Variants in IGF2BP2 observed in about 807,000 individuals in gnomAD.
The protein encoded by IGF2BP2 is insulin like growth factor 2 mRNA binding protein 2.
In IGF2BP2, 17 loss-of-function variants were observed where a neutral mutation model predicts 75.8. That is an observed-to-expected ratio of 0.22 (90% confidence interval 0.15 to 0.34). The LOEUF (loss-of-function observed/expected upper bound fraction) is 0.34, where lower values mean the gene tolerates loss of function less well. Among genes scored for constraint, IGF2BP2 ranks in the 10% least tolerant of loss-of-function variants. IGF2BP2 has a pLI of 1.00. For missense variants in IGF2BP2, 516 were observed against 772.4 expected (o/e 0.67, Z 3.93); for synonymous variants, 288 against 295.6 (o/e 0.97, Z 0.26).
chr3:185,818,008 CT>C lies in IGF2BP2; in HGVS notation c.239+5144del, dbSNP rs1428075164. ...CTAACACTGAAAAGAACACTGAAGACTTTTGTGATGTTTAAATATAATTTTT... is the reference window on the plus strand; with the variant it reads ...CTAACACTGAAAAGAACACTGAAGACTTTGTGATGTTTAAATATAATTTTT... On this transcript the variant is annotated intron_variant, in intron 2 of 15. Transcript: ENST00000382199. 1.3e-5 allele frequency among the ~76,000 whole-genome samples: 2 copies of C among 152,196 alleles called. 1 individual carries two copies. Among genetic ancestry groups the C allele is most frequent in the Admixed American group, 1.3e-4 (2 of 15,282 alleles).
chr3:185,801,481 C>T (rs1171870068), intron 2 of IGF2BP2, among the ~76,000 whole-genome samples: 1 of 139,748 alleles, frequency 7.2e-6, no homozygotes, highest in African/African-American at 2.7e-5. Context: ...AAGAGCAAAA[C>T]TCCATCTCAA....
chr3:185,729,843 C>T (rs943222280), intron 2 of IGF2BP2: 3 of 152,120 alleles, frequency 2.0e-5, no homozygotes, highest in Admixed American at 6.6e-5. Flanking sequence ...TAATGTATTG[C>T]ATCAGATTGA....
chr3:185,683,454 G>A (rs938019509), intron 7 of IGF2BP2, among the ~76,000 whole-genome samples: 2 of 151,908 alleles, frequency 1.3e-5, no homozygotes, highest in Non-Finnish European at 2.9e-5. Flanking sequence ...TGTCACCCAG[G>A]CTGGAGTGCA....
At position 185,716,339 on chromosome 3, in the gene IGF2BP2, G is replaced by A. The variant is rs750654079; in HGVS notation, c.240-17992C>T. The A allele has an allele frequency of 1.7e-5, 7 of 414,894 alleles. 1 individual carries two copies. Among genetic ancestry groups the A allele is most frequent in the South Asian group, 5.7e-5 (3 of 52,934 alleles). 25.7% of individuals were successfully genotyped at this position (414,894 alleles called of 1,614,324 possible). A position where few individuals can be genotyped will look rare whatever the true frequency, so the allele number is the denominator to read the frequency against. On this transcript the variant is annotated intron_variant, in intron 2 of 15. Coordinates refer to ENST00000382199, the MANE Select transcript of IGF2BP2 (RefSeq NM_006548.6). The stretch of plus-strand genomic sequence containing the variant: ...CAGCATTTATCCAATAAACACTGAC[G>A]TAACTGATTTGCCTTTTGGTCTACA...
At chr3:185,778,735 TATAAA>T (rs1225068870) in intron 2 of IGF2BP2, among the ~76,000 whole-genome samples, 1 of 152,212 alleles carries the variant, frequency 6.6e-6, no homozygotes, top group East Asian at 1.9e-4. Context: ...TTTTCTCAAC[TATAAA>T]ATAACTACTT....
intron 2 of IGF2BP2, among the ~76,000 whole-genome samples, chr3:185,783,087 A>G (rs901828587): frequency 6.6e-6 from 1 of 152,184 alleles, no homozygotes; most frequent in Non-Finnish European, 1.5e-5. Flanking sequence ...ACCAATTATG[A>G]AGGTTTATGG....
intron 14 of IGF2BP2, 68 bp downstream of exon 14, chr3:185,649,335 G>C: frequency 6.3e-7 from 1 of 1,586,608 alleles, no homozygotes; most frequent in Non-Finnish European, 8.6e-7. Flanking sequence ...GGGAGACTGA[G>C]GGAACTCAGG....
At chr3:185,713,135 G>A (rs948753408) in intron 2 of IGF2BP2, 2 of 313,146 alleles carry the variant, frequency 6.4e-6, no homozygotes, top group African/African-American at 2.2e-5. Context: ...GTGTGTCTTG[G>A]TGTAATACTG....
chr3:185,648,796 A>G (rs1714054512), intron 14 of IGF2BP2, among the ~76,000 whole-genome samples: 1 of 152,194 alleles, frequency 6.6e-6, no homozygotes, highest in African/African-American at 2.4e-5. Flanking sequence ...ATGATCTTTC[A>G]AAAAACAATC....
At chr3:185,734,256 C>G (rs750070402) in intron 2 of IGF2BP2, among the ~76,000 whole-genome samples, 4 of 152,176 alleles carry the variant, frequency 2.6e-5, no homozygotes, top group Non-Finnish European at 5.9e-5. Flanking sequence ...ATTCCAACAA[C>G]AGCTCTGTGA....
At chr3:185,649,149 G>A (rs1714124287) in intron 14 of IGF2BP2, among the ~76,000 whole-genome samples, 1 of 152,136 alleles carries the variant, frequency 6.6e-6, no homozygotes, top group Non-Finnish European at 1.5e-5. Context: ...GCACAGGACT[G>A]TGGTATTTTT....
chr3:185,679,216 T>C (rs1294236089), intron 7 of IGF2BP2, among the ~76,000 whole-genome samples: 1 of 152,194 alleles, frequency 6.6e-6, no homozygotes, highest in East Asian at 1.9e-4. Flanking sequence ...TTCCTTTATG[T>C]GTTGTTGATT....
intron 2 of IGF2BP2, among the ~76,000 whole-genome samples, chr3:185,758,394 A>G (rs1426262501): frequency 6.6e-6 from 1 of 152,220 alleles, no homozygotes; most frequent in Non-Finnish European, 1.5e-5. Flanking sequence ...TGGATTTAGC[A>G]CTAGTTATGT....
intron 10 of IGF2BP2, among the ~76,000 whole-genome samples, chr3:185,665,287 A>AAGAAGGAGG (rs1717184501): frequency 1.1e-5 from 1 of 92,064 alleles, no homozygotes; most frequent in Non-Finnish European, 2.3e-5. Flanking sequence ...GGAGAAGAAG[A>AAGAAGGAGG]AGAAGGAGGA....
intron 2 of IGF2BP2, among the ~76,000 whole-genome samples, chr3:185,785,174 A>G (rs1735704615): frequency 4.6e-5 from 7 of 151,554 alleles, no homozygotes. Flanking sequence ...GGTGACGCAC[A>G]CCTGTAATCC....
intron 7 of IGF2BP2, among the ~76,000 whole-genome samples, chr3:185,686,296 A>G (rs1176327397): frequency 6.6e-6 from 1 of 152,072 alleles, no homozygotes; most frequent in Admixed American, 6.6e-5. Context: ...AGGCAGGAGA[A>G]TCACTTGAAC....
intron 2 of IGF2BP2, among the ~76,000 whole-genome samples, chr3:185,813,724 G>C (rs1444160890): frequency 6.6e-6 from 1 of 152,196 alleles, no homozygotes; most frequent in African/African-American, 2.4e-5. Context: ...TTCCAAGTAA[G>C]TGTATGCCAC....
At chr3:185,692,580 G>A (rs1722084978) in intron 5 of IGF2BP2, 119 bp downstream of exon 5, 1 of 838,756 alleles carries the variant, frequency 1.2e-6, no homozygotes, top group East Asian at 2.6e-5. Flanking sequence ...GTCAAAGGTG[G>A]CACATATCCA....
At chr3:185,700,675 G>A (rs1723166900) in intron 2 of IGF2BP2, among the ~76,000 whole-genome samples, 1 of 151,974 alleles carries the variant, frequency 6.6e-6, no homozygotes, top group East Asian at 1.9e-4. Context: ...TACAAACATT[G>A]ACTCCAACTG....
Sources: allele counts gnomAD v4.1 joint callset (sites outside exome capture counted in the v4.1 genomes callset), GRCh38; gene constraint gnomAD v4.1.1; transcripts MANE v1.5; gene names NCBI Gene and HGNC (gene_info 2026-07-23, HGNC 2026-07-21).